MALRD1: variants seen among roughly 807,000 people sequenced by gnomAD.
The protein encoded by MALRD1 is MAM and LDL receptor class A domain containing 1, also known as MAM and LDL-receptor class A domain-containing protein 1.
In MALRD1, 247 loss-of-function variants were observed where a neutral mutation model predicts 242.1. The observed-to-expected ratio is 1.02, with a 90% CI of 0.92 to 1.13. The LOEUF is 1.13. Ranked by LOEUF, MALRD1 falls within the 50% of genes most tolerant of loss-of-function variation. The pLI, the probability that MALRD1 is intolerant of heterozygous loss-of-function variation, is 0.00. For missense variants in MALRD1, 2,989 were observed against 2,533.1 expected (o/e 1.18, Z -3.86); for synonymous variants, 995 against 866.6 (o/e 1.15, Z -2.60).
chr10:19,384,311 T>G (rs924362997), intron 26 of MALRD1, among the ~76,000 whole-genome samples: 43 of 132,204 alleles, frequency 3.3e-4, no homozygotes, highest in African/African-American at 1.1e-3. Context: ...ATGTATTATA[T>G]AAATATATAT....
intron 24 of MALRD1, among the ~76,000 whole-genome samples, chr10:19,334,968 A>G (rs188342041): frequency 1.3e-5 from 2 of 152,156 alleles, no homozygotes; most frequent in African/African-American, 2.4e-5. Flanking sequence ...AACTCTTTGT[A>G]TTTAGGCTCT....
intron 19 of MALRD1, among the ~76,000 whole-genome samples, chr10:19,267,944 T>C (rs1840034991): frequency 6.6e-6 from 1 of 152,184 alleles, no homozygotes; most frequent in Non-Finnish European, 1.5e-5. Flanking sequence ...GTCTGCGATA[T>C]GTTCAATTAA....
At chr10:19,690,087 A>G (rs1192429052) in intron 36 of MALRD1, among the ~76,000 whole-genome samples, 2 of 152,064 alleles carry the variant, frequency 1.3e-5, no homozygotes, top group African/African-American at 4.8e-5. Context: ...TTTGGGGGGT[A>G]GTGTATTCAT....
intron 34 of MALRD1, chr10:19,598,208 C>T (rs1344672435): frequency 6.6e-6 from 1 of 152,070 alleles, no homozygotes; most frequent in Non-Finnish European, 1.5e-5. Flanking sequence ...AAGGGATGGT[C>T]AGGTGATGAG....
At chr10:19,100,480 T>G (rs927195124) in intron 4 of MALRD1, among the ~76,000 whole-genome samples, 2 of 151,938 alleles carry the variant, frequency 1.3e-5, no homozygotes, top group Admixed American at 6.6e-5. Context: ...GAAATAAGAA[T>G]GAAAGGAAAA....
chr10:19,543,921 C>T (rs973740270), intron 32 of MALRD1, among the ~76,000 whole-genome samples: 2 of 152,104 alleles, frequency 1.3e-5, no homozygotes, highest in African/African-American at 4.8e-5. Context: ...TTTCTCCTCA[C>T]CTTCTTCTTG....
chr10:19,171,853 C>CAT (rs567760637), intron 13 of MALRD1, among the ~76,000 whole-genome samples: 3 of 141,124 alleles, frequency 2.1e-5, no homozygotes, highest in Admixed American at 7.3e-5. Context: ...TATACACATA[C>CAT]ATATATATAC....
chr10:19,511,848 A>G (rs1288289296), intron 31 of MALRD1, among the ~76,000 whole-genome samples: 1 of 152,128 alleles, frequency 6.6e-6, no homozygotes, highest in Non-Finnish European at 1.5e-5. Context: ...AAACACAGAG[A>G]AAAAATAAAA....
At chr10:19,732,791 AGG>A (rs147247373) in intron 39 of MALRD1, among the ~76,000 whole-genome samples, 2,384 of 152,280 alleles carry the variant, frequency 0.016, 63 homozygotes, top group African/African-American at 0.052. Context: ...AAGTACAGGA[AGG>A]GGCCTCCATC....
At chr10:19,315,237 A>G (rs1321612288) in intron 21 of MALRD1, among the ~76,000 whole-genome samples, 6 of 96,504 alleles carry the variant, frequency 6.2e-5, no homozygotes, top group African/African-American at 2.5e-4. Flanking sequence ...TATAATTTAT[A>G]GAAATATAAT....
intron 1 of MALRD1, among the ~76,000 whole-genome samples, chr10:19,061,156 A>C (rs773578245): frequency 1.3e-5 from 2 of 152,152 alleles, no homozygotes; most frequent in Non-Finnish European, 2.9e-5. Context: ...CATCAGGAAG[A>C]ATAGCTAATG....
At chr10:19,530,339 T>C in intron 31 of MALRD1, among the ~76,000 whole-genome samples, 1 of 132,334 alleles carries the variant, frequency 7.6e-6, no homozygotes, top group Non-Finnish European at 1.6e-5. Context: ...ATATATAATA[T>C]TTATATAAAT....
At chr10:19,710,101 A>C (rs1380966912) in intron 38 of MALRD1, among the ~76,000 whole-genome samples, 1 of 152,114 alleles carries the variant, frequency 6.6e-6, no homozygotes, top group African/African-American at 2.4e-5. Context: ...ACCCTATCTG[A>C]ATAACCAAAC....
chr10:19,731,492 TTGTG>T (rs199973822), intron 39 of MALRD1, among the ~76,000 whole-genome samples: 81 of 146,962 alleles, frequency 5.5e-4, no homozygotes, highest in African/African-American at 9.9e-4. Flanking sequence ...ATAGTTTACT[TTGTG>T]TGTGTGTGTG....
chr10:19,278,712 G>C (rs534772525), intron 19 of MALRD1, among the ~76,000 whole-genome samples: 1 of 152,220 alleles, frequency 6.6e-6, no homozygotes, highest in Admixed American at 6.5e-5. Flanking sequence ...TAATGGCAGA[G>C]ATGGCATATT....
At chr10:19,152,840 G>A (rs1315746837) in intron 11 of MALRD1, among the ~76,000 whole-genome samples, 1 of 151,778 alleles carries the variant, frequency 6.6e-6, no homozygotes, top group Non-Finnish European at 1.5e-5. Context: ...ACACTCACCA[G>A]ACCTTTAAGA....
At chr10:19,513,212 T>G (rs1251616584) in intron 31 of MALRD1, among the ~76,000 whole-genome samples, 1 of 152,122 alleles carries the variant, frequency 6.6e-6, no homozygotes, top group Non-Finnish European at 1.5e-5. Flanking sequence ...GGCATGGTGC[T>G]CCATCTCTGG....
chr10:19,632,751 A>C (rs10827694), intron 36 of MALRD1, among the ~76,000 whole-genome samples: 22,892 of 152,050 alleles, frequency 0.15, 2,809 homozygotes, highest in African/African-American at 0.34. Flanking sequence ...CAACCAGAGG[A>C]CTCACCCAAC....
At chr10:19,246,467 A>G (rs1166983787) in intron 18 of MALRD1, among the ~76,000 whole-genome samples, 3 of 152,260 alleles carry the variant, frequency 2.0e-5, no homozygotes, top group Non-Finnish European at 2.9e-5. Context: ...ATGCCTGGGC[A>G]TGAAGGGGAA....
Sources: gnomAD v4.1 joint callset for allele counts (sites outside exome capture counted in the v4.1 genomes callset) on GRCh38, gnomAD v4.1.1 for gene constraint, MANE v1.5 for transcripts, NCBI Gene and HGNC (gene_info 2026-07-23, HGNC 2026-07-21) for gene names.